Variants in LUC7L3 observed in about 807,000 individuals in gnomAD.
LUC7L3 encodes the protein LUC7 like 3 pre-mRNA splicing factor, also known as luc7-like protein 3.
LUC7L3 carries 6 observed loss-of-function variants against 66.8 expected under a neutral mutation model. The ratio of observed to expected loss-of-function variants is 0.09; its 90% CI spans 0.05 to 0.18. The LOEUF is 0.18. Ranked by LOEUF, LUC7L3 falls within the 10% of genes least tolerant of loss-of-function variation. LUC7L3 has a pLI of 1.00. For missense variants in LUC7L3, 341 were observed against 531.1 expected (o/e 0.64, Z 3.52); for synonymous variants, 160 against 174.7 (o/e 0.92, Z 0.66).
At chr17:50,729,245 G>A (rs1969407990) in intron 1 of LUC7L3, among the ~76,000 whole-genome samples, 1 of 152,160 alleles carries the variant, frequency 6.6e-6, no homozygotes, top group Non-Finnish European at 1.5e-5. Context: ...AATTTTAGTG[G>A]TGGTGAGTTA....
At chr17:50,721,324 G>A (rs1296191072) in intron 1 of LUC7L3, among the ~76,000 whole-genome samples, 1 of 152,104 alleles carries the variant, frequency 6.6e-6, no homozygotes, top group Non-Finnish European at 1.5e-5. Flanking sequence ...CTTTGAACAC[G>A]TTTTAGAGAA....
At chr17:50,739,445 A>G (rs1198016875) in intron 2 of LUC7L3, among the ~76,000 whole-genome samples, 1 of 152,210 alleles carries the variant, frequency 6.6e-6, no homozygotes, top group African/African-American at 2.4e-5. Context: ...CGAGGTGAGG[A>G]GTTCAAGAAC....
At chr17:50,727,242 G>C (rs1969257138) in intron 1 of LUC7L3, among the ~76,000 whole-genome samples, 1 of 152,166 alleles carries the variant, frequency 6.6e-6, no homozygotes, top group African/African-American at 2.4e-5. Flanking sequence ...TTGTTATAAA[G>C]GAATACCTGA....
rs117475868 is a variant in LUC7L3, at chr17:50,753,396, A to G, written c.*2735A>G. 354 of 152,704 alleles carry G rather than the reference A, an allele frequency of 2.3e-3. No individual in the cohort carries two copies. Among genetic ancestry groups the G allele is most frequent in the Non-Finnish European group, 4.2e-3 (285 of 68,018 alleles). The allele number at this position is 152,704 out of a possible 1,614,324, so 9.5% of individuals were successfully genotyped here. On this transcript the variant is annotated 3_prime_UTR_variant, in exon 10 of 10. Coordinates refer to ENST00000505658, the MANE Select transcript of LUC7L3 (RefSeq NM_016424.5). ...CTCATGGTCCAGTGCCTGTTAAGCC[A>G]CTGTGTTCATTCTAATAGGCATAAT...
chr17:50,736,652 A>G (rs1018747987), intron 1 of LUC7L3: 3 of 283,840 alleles, frequency 1.1e-5, no homozygotes, highest in Admixed American at 5.0e-5. Flanking sequence ...GTTTTTAAAA[A>G]TATAAAAATT....
Position 50,723,821 on chromosome 17 carries a change from G to A in LUC7L3, c.99+3990G>A, listed in dbSNP as rs1370985137. ...CCGGCTAATTTTTGTATTTTTAGTC[G>A]ACAGGGTTTTGCCATATTGGCCAGG... is the stretch of plus-strand genomic sequence containing the variant. On this transcript the variant is annotated intron_variant, in intron 1 of 9. Transcript: ENST00000505658. The A allele has an allele frequency of 1.1e-5, 4 of 348,400 alleles. No individual in the cohort carries two copies. The East Asian group carries it at 3.7e-4, about 32-fold the overall frequency. 21.6% of individuals were successfully genotyped at this position (348,400 alleles called of 1,614,324 possible). A position where few individuals can be genotyped will look rare whatever the true frequency, so the allele number is the denominator to read the frequency against.
Position 50,752,040 on chromosome 17 carries a change from G to C in LUC7L3, c.*1379G>C. On this transcript the variant is annotated 3_prime_UTR_variant, in exon 10 of 10. Transcript: ENST00000505658. Reference sequence around the variant, plus strand: ...TTAGGCAAGCATACACAGGCACATGGCTTTAAGAACCACACTGATGCCTTG... The same window carrying C: ...TTAGGCAAGCATACACAGGCACATGCCTTTAAGAACCACACTGATGCCTTG... The C allele has an allele frequency of 1.8e-6, 2 of 1,127,746 alleles. No individual in the cohort carries two copies. The highest frequency in any genetic ancestry group is 2.2e-6 in the Non-Finnish European group (2 of 910,640). The allele number at this position is 1,127,746 out of a possible 1,614,324, so 69.9% of individuals were successfully genotyped here.
rs1446337377 is a variant in LUC7L3, at chr17:50,752,379, A to G, written c.*1718A>G. 2 of 405,024 alleles carry G rather than the reference A, an allele frequency of 4.9e-6. No homozygotes were observed. The highest frequency in any genetic ancestry group is 1.8e-4 in the East Asian group (2 of 11,256). 25.1% of individuals were successfully genotyped at this position (405,024 alleles called of 1,614,324 possible). On this transcript the variant is annotated 3_prime_UTR_variant, in exon 10 of 10. Transcript: ENST00000505658. ...GGACTGATGTGACCTACCAGATTTC[A>G]GAACATGTGTTAATAGTATATATGC...
rs756246590 is a variant in LUC7L3 at position 50,752,751 on chromosome 17, A to G, written c.*2090A>G. ...TAAATACAAGAGTTACACTATTACT[A>G]GAGGTGTTGGTGTACAGTTTTATCT... is the stretch of plus-strand genomic sequence containing the variant. On this transcript the variant is annotated 3_prime_UTR_variant, in exon 10 of 10. Transcript: ENST00000505658. 1 of 152,250 alleles carries G rather than the reference A, an allele frequency of 6.6e-6. No homozygotes were observed. Among genetic ancestry groups the G allele is most frequent in the African/African-American group, 2.4e-5 (1 of 41,452 alleles). The allele number at this position is 152,250 out of a possible 1,614,324, so 9.4% of individuals were successfully genotyped here.
intron 9 of LUC7L3, 123 bp downstream of exon 9, chr17:50,746,825 C>T (rs1970697089): frequency 2.7e-6 from 2 of 741,324 alleles, no homozygotes; most frequent in Admixed American, 3.3e-5. Context: ...TTGAGGAATG[C>T]CATTCAGTAG....
In LUC7L3 at chr17:50,737,161, C is replaced by T. The variant is rs75098924; in HGVS notation, c.166+135C>T. 6.6e-3 allele frequency: 4,367 copies of T among 662,350 alleles called. 118 individuals are homozygous for T. The African/African-American group carries it at 0.067, about 10-fold the overall frequency. 41.0% of individuals were successfully genotyped at this position (662,350 alleles called of 1,614,324 possible). ...AGATTTGCTAATAAGTAATTTCTTA[C>T]TTGGTTTAGATATTTGAATGTATTA... On this transcript the variant is annotated intron_variant, in intron 2 of 9. Coordinates refer to ENST00000505658, the MANE Select transcript of LUC7L3 (RefSeq NM_016424.5).
intron 1 of LUC7L3, among the ~76,000 whole-genome samples, chr17:50,725,239 G>T (rs1969098622): frequency 6.6e-6 from 1 of 152,044 alleles, no homozygotes; most frequent in Non-Finnish European, 1.5e-5. Flanking sequence ...GCGAAACCCT[G>T]TCTCTACTAA....
In LUC7L3 at chr17:50,741,423, G is replaced by A. The variant is rs377766299; in HGVS notation, c.351+177G>A. On this transcript the variant is annotated intron_variant, in intron 4 of 9. Coordinates refer to ENST00000505658, the MANE Select transcript of LUC7L3 (RefSeq NM_016424.5). ...TATTAGCAAACATAACACTGATTTTGCTAACCATAAGATTTTTCTTTGTTT... is the reference window on the plus strand; with the variant it reads ...TATTAGCAAACATAACACTGATTTTACTAACCATAAGATTTTTCTTTGTTT... 122 of 723,940 alleles carry A rather than the reference G, an allele frequency of 1.7e-4. 2 individuals carry two copies. The highest frequency in any genetic ancestry group is 1.3e-3 in the South Asian group (57 of 42,426). The allele number at this position is 723,940 out of a possible 1,614,324, so 44.8% of individuals were successfully genotyped here.
chr17:50,735,835 T>G (rs1306161505), intron 1 of LUC7L3, among the ~76,000 whole-genome samples: 1 of 152,090 alleles, frequency 6.6e-6, no homozygotes, highest in Non-Finnish European at 1.5e-5. Context: ...TAGTTGTGCA[T>G]TAATAATCTC....
Position 50,751,461 on chromosome 17 carries a change from T to C in LUC7L3, c.*800T>C, listed in dbSNP as rs1274828117. 3.2e-6 allele frequency: 4 copies of C among 1,248,510 alleles called. No homozygotes were observed. In the African/African-American group the frequency reaches 4.7e-5, roughly 15 times the overall value. The allele number at this position is 1,248,510 out of a possible 1,614,324, so 77.3% of individuals were successfully genotyped here. A position where few individuals can be genotyped will look rare whatever the true frequency, so the allele number is the denominator to read the frequency against. On this transcript the variant is annotated 3_prime_UTR_variant, in exon 10 of 10. Transcript: ENST00000505658. ...ACTGTTGTGTATCTTTTTTGTTCTT[T>C]ACAAGAAGTGCAGAGGGGTTTTTTG...
At position 50,751,479 on chromosome 17, in the gene LUC7L3, G is replaced by A. The variant is rs578096789; in HGVS notation, c.*818G>A. ...TGTTCTTTACAAGAAGTGCAGAGGG[G>A]TTTTTTGTGTATTGCGTGAAAACTT... On this transcript the variant is annotated 3_prime_UTR_variant, in exon 10 of 10. Transcript: ENST00000505658. 1.7e-6 allele frequency: 2 copies of A among 1,200,496 alleles called. No homozygotes were observed. Among genetic ancestry groups the A allele is most frequent in the Admixed American group, 6.5e-5 (2 of 30,564 alleles). 74.4% of individuals were successfully genotyped at this position (1,200,496 alleles called of 1,614,324 possible).
chr17:50,741,327 G>A (rs984788515), intron 4 of LUC7L3, 81 bp downstream of exon 4: 1 of 1,370,030 alleles, frequency 7.3e-7, no homozygotes, highest in Non-Finnish European at 1.0e-6. Context: ...TTTGAAACTT[G>A]TCTTCTGTTC....
intron 1 of LUC7L3, among the ~76,000 whole-genome samples, chr17:50,727,098 A>AT (rs943009772): frequency 5.3e-5 from 8 of 152,292 alleles, no homozygotes; most frequent in Non-Finnish European, 1.0e-4. Flanking sequence ...CAAAAAAAAA[A>AT]GAATACAGTA....
At chr17:50,737,592 AG>A (rs1433919151) in intron 2 of LUC7L3, 1 of 217,324 alleles carries the variant, frequency 4.6e-6, no homozygotes, top group African/African-American at 2.4e-5. Flanking sequence ...CCAGTTTTGG[AG>A]GGGGCTTTTC....
Sources: gnomAD v4.1 joint callset for allele counts (sites outside exome capture counted in the v4.1 genomes callset) on GRCh38, gnomAD v4.1.1 for gene constraint, MANE v1.5 for transcripts, NCBI Gene and HGNC (gene_info 2026-07-23, HGNC 2026-07-21) for gene names.